Variants in RHCE observed in about 807,000 individuals in gnomAD.
RHCE encodes blood group Rh(CE) polypeptide.
RHCE carries 22 observed loss-of-function variants against 43.8 expected under a neutral mutation model. The observed-to-expected ratio is 0.50, with a 90% CI of 0.36 to 0.72. The LOEUF is 0.72. Among genes scored for constraint, RHCE ranks in the 30% least tolerant of loss-of-function variants. The pLI is 0.00. For synonymous variants in RHCE, 156 were observed against 210.7 expected, an observed-to-expected ratio of 0.74 and a Z score of 2.25; for missense variants, 385 against 525.4, an observed-to-expected ratio of 0.73 and a Z score of 2.61.
In RHCE at chr1:25,386,795, C is replaced by A. The variant is rs553118695; in HGVS notation, c.940-951G>T. On this transcript the variant is annotated intron_variant, in intron 6 of 9. Coordinates refer to ENST00000294413, the MANE Select transcript of RHCE (RefSeq NM_020485.8). ...CAAGATGGCGCCACTGCACTCCAGC[C>A]TGGGCAAAAGAGCGAGACACCGTCT... Among the ~76,000 whole-genome samples the A allele has an allele frequency of 2.0e-5, 3 of 151,776 alleles. No individual in the cohort carries two copies. In the East Asian group the frequency reaches 5.8e-4, roughly 29 times the overall value.
At position 25,362,281 on chromosome 1, in the gene RHCE, G is replaced by C; in HGVS notation, c.*246C>G. 1 of 842,552 alleles carries C rather than the reference G, an allele frequency of 1.2e-6. No individual in the cohort carries two copies. The highest frequency in any genetic ancestry group is 1.8e-5 in the South Asian group (1 of 54,776). 52.2% of individuals were successfully genotyped at this position (842,552 alleles called of 1,614,324 possible). ...AACCCAAAACTTTAATAATGTGTCT[G>C]TAACCAAGAAAATATTGATAGCATC... On this transcript the variant is annotated 3_prime_UTR_variant, in exon 10 of 10. Coordinates refer to ENST00000294413, the MANE Select transcript of RHCE (RefSeq NM_020485.8).
chr1:25,386,221 G>T (rs1272924168), intron 6 of RHCE, among the ~76,000 whole-genome samples: 2 of 152,134 alleles, frequency 1.3e-5, no homozygotes, highest in Non-Finnish European at 2.9e-5. Flanking sequence ...ATCATTCCTG[G>T]TCTCTCCCCA....
rs1646653668 is a variant in RHCE at position 25,399,220 on chromosome 1, T to G, written c.486+3376A>C. 8 of 854,426 alleles carry G rather than the reference T, an allele frequency of 9.4e-6. No individual in the cohort carries two copies. The South Asian group carries it at 1.1e-4, about 11-fold the overall frequency. 52.9% of individuals were successfully genotyped at this position (854,426 alleles called of 1,614,324 possible). A position where few individuals can be genotyped will look rare whatever the true frequency, so the allele number is the denominator to read the frequency against. On this transcript the variant is annotated intron_variant, in intron 3 of 9. Coordinates refer to ENST00000294413, the MANE Select transcript of RHCE (RefSeq NM_020485.8). ...CTCTGACCTTTTTGACTTCCTACTT[T>G]GAAGAATTGATGTATGCCTCTTTGC...
intron 2 of RHCE, among the ~76,000 whole-genome samples, chr1:25,404,682 G>A (rs1273000319): frequency 6.6e-6 from 1 of 151,358 alleles, no homozygotes; most frequent in Non-Finnish European, 1.5e-5. Context: ...TGCCTGGGCT[G>A]GAATCTTGAC....
chr1:25,406,243 G>GTGCCTCA, intron 2 of RHCE, among the ~76,000 whole-genome samples: 1 of 87,444 alleles, frequency 1.1e-5, no homozygotes, highest in East Asian at 5.2e-4. Flanking sequence ...GCGTGCGTGC[G>GTGCCTCA]TGCGTGCGTG....
intron 2 of RHCE, among the ~76,000 whole-genome samples, chr1:25,403,579 T>C (rs1476974034): frequency 2.0e-5 from 3 of 152,034 alleles, no homozygotes; most frequent in Non-Finnish European, 2.9e-5. Context: ...ACAGGCTACA[T>C]ACACCATGAG....
intron 3 of RHCE, among the ~76,000 whole-genome samples, chr1:25,395,005 A>G (rs1404022780): frequency 1.3e-5 from 2 of 148,218 alleles, no homozygotes; most frequent in East Asian, 3.9e-4. Flanking sequence ...CAGTTAAGCT[A>G]GCAAGTCAAA....
intron 6 of RHCE, among the ~76,000 whole-genome samples, chr1:25,386,189 T>C (rs117331984): frequency 0.014 from 2,155 of 152,292 alleles, 133 homozygotes; most frequent in East Asian, 0.099. Context: ...GGGGCTGCCC[T>C]GTGCACTGTA....
rs57402027 is a variant in RHCE at position 25,372,233 on chromosome 1, T to C, written c.1154-1693A>G. On this transcript the variant is annotated intron_variant, in intron 8 of 9. Transcript: ENST00000294413. ...TGTTCTTGTGTCCAGTTTTAAGAAT[T>C]TGTTGGCCGGGCACAGTGGCTTATG... Among the ~76,000 whole-genome samples, 761 of 151,630 alleles carry C rather than the reference T, an allele frequency of 5.0e-3. 33 individuals carry two copies. Among genetic ancestry groups the C allele is most frequent in the African/African-American group, 0.018 (725 of 41,072 alleles).
intron 3 of RHCE, 49 bp from the exon 4 acceptor site, chr1:25,392,190 G>A (rs1176276942): frequency 4.3e-6 from 7 of 1,613,290 alleles, no homozygotes; most frequent in Non-Finnish European, 5.1e-6. Context: ...CCTCTGCCCA[G>A]GGGAAAGCCC....
At chr1:25,416,456 G>T (rs938720599) in intron 1 of RHCE, among the ~76,000 whole-genome samples, 6 of 151,832 alleles carry the variant, frequency 4.0e-5, no homozygotes, top group African/African-American at 1.5e-4. Flanking sequence ...GTAGAGATGG[G>T]GTTTCATCAT....
chr1:25,397,048 GT>G (rs1170511216), intron 3 of RHCE, among the ~76,000 whole-genome samples: 1 of 137,830 alleles, frequency 7.3e-6, no homozygotes, highest in Non-Finnish European at 1.5e-5. Flanking sequence ...GGAGGCGGAG[GT>G]TGCAGTGAGC....
intron 7 of RHCE, among the ~76,000 whole-genome samples, chr1:25,382,871 T>A (rs981336774): frequency 5.9e-5 from 9 of 151,390 alleles, no homozygotes; most frequent in South Asian, 2.1e-4. Context: ...CTATTAAAAA[T>A]TTTTTTTCTC....
chr1:25,429,266 C>CCTCA (rs921646715), intron 1 of RHCE, among the ~76,000 whole-genome samples: 1 of 134,054 alleles, frequency 7.5e-6, no homozygotes, highest in Non-Finnish European at 1.5e-5. Context: ...CGCTCTCCTG[C>CCTCA]CTCAGCCTCT....
upstream of RHCE, among the ~76,000 whole-genome samples, chr1:25,425,285 G>T (rs372326996): frequency 6.6e-6 from 1 of 152,168 alleles, no homozygotes; most frequent in African/African-American, 2.4e-5. Context: ...GGAATGCCAA[G>T]CACGGAACCA....
chr1:25,422,722 C>T (rs917724579), upstream of RHCE, among the ~76,000 whole-genome samples: 1 of 152,130 alleles, frequency 6.6e-6, no homozygotes, highest in African/African-American at 2.4e-5. Context: ...ATCAGGGGTC[C>T]CCAACCTATT....
intron 1 of RHCE, among the ~76,000 whole-genome samples, chr1:25,419,449 T>A (rs1049701801): frequency 2.6e-5 from 4 of 152,044 alleles, no homozygotes; most frequent in African/African-American, 9.7e-5. Flanking sequence ...GTCACTGCCA[T>A]GGCCCCCAGG....
upstream of RHCE, among the ~76,000 whole-genome samples, chr1:25,422,862 G>A (rs1175841926): frequency 3.3e-5 from 5 of 152,162 alleles, no homozygotes; most frequent in African/African-American, 4.8e-5. Flanking sequence ...TAAGGAGCAC[G>A]CAACCTAGAT....
upstream of RHCE, among the ~76,000 whole-genome samples, chr1:25,425,247 T>C (rs755053861): frequency 1.1e-3 from 175 of 152,234 alleles, no homozygotes; most frequent in Non-Finnish European, 2.0e-3. Context: ...AATAAATATT[T>C]GTTGGCTGAA....
Sources: gnomAD v4.1 joint callset for allele counts (sites outside exome capture counted in the v4.1 genomes callset) on GRCh38, gnomAD v4.1.1 for gene constraint, MANE v1.5 for transcripts, NCBI Gene and HGNC (gene_info 2026-07-23, HGNC 2026-07-21) for gene names.